PHACTR1: variants seen among roughly 807,000 people sequenced by gnomAD.
PHACTR1 encodes the protein RPEL repeat containing 1.
In PHACTR1, 16 loss-of-function variants were observed where a neutral mutation model predicts 69.2. The observed-to-expected ratio is 0.23, with a 90% CI of 0.16 to 0.35. PHACTR1 has a LOEUF of 0.35. Ranked by LOEUF, PHACTR1 falls within the 10% of genes least tolerant of loss-of-function variation. The probability of loss-of-function intolerance (pLI) is 1.00; values close to 1 mark genes in which losing one functional copy is unlikely to be tolerated. For synonymous variants in PHACTR1, 312 were observed against 284.5 expected (o/e 1.10, Z -0.97); for missense variants, 510 against 734.7 (o/e 0.69, Z 3.54).
chr6:12,789,108 A>C (rs532390835), intron 4 of PHACTR1, among the ~76,000 whole-genome samples: 31 of 152,242 alleles, frequency 2.0e-4, no homozygotes, highest in Admixed American at 7.9e-4. Flanking sequence ...TTTCCTCTTG[A>C]ATCACCCAGG....
At chr6:13,055,578 C>G (rs1215857184) in intron 5 of PHACTR1, among the ~76,000 whole-genome samples, 4 of 152,124 alleles carry the variant, frequency 2.6e-5, no homozygotes, top group African/African-American at 9.7e-5. Flanking sequence ...CTTTGCTAAG[C>G]AAAATAGTTT....
rs145382070 is a variant in PHACTR1 at position 13,196,543 on chromosome 6, C to A, written c.665-9272C>A. 779 of 164,350 alleles carry A rather than the reference C, an allele frequency of 4.7e-3. 9 individuals are homozygous for A. The highest frequency in any genetic ancestry group is 0.018 in the African/African-American group (751 of 41,624). The allele number at this position is 164,350 out of a possible 1,614,324, so 10.2% of individuals were successfully genotyped here. A position where few individuals can be genotyped will look rare whatever the true frequency, so the allele number is the denominator to read the frequency against. On this transcript the variant is annotated intron_variant, in intron 7 of 14. Coordinates refer to ENST00000332995, the MANE Select transcript of PHACTR1 (RefSeq NM_030948.6). ...TCAAGCGATTCTCCTGCCTCAGCCT[C>A]CCAAGTAGCTGGGACTACAGGCGCA...
chr6:13,039,405 G>T (rs573027126), intron 4 of PHACTR1, among the ~76,000 whole-genome samples: 1 of 152,294 alleles, frequency 6.6e-6, no homozygotes, highest in South Asian at 2.1e-4. Context: ...TGATAAGAGA[G>T]AATTTTTTTC....
At chr6:12,878,115 A>G (rs1041540468) in intron 4 of PHACTR1, among the ~76,000 whole-genome samples, 39 of 152,360 alleles carry the variant, frequency 2.6e-4, no homozygotes, top group African/African-American at 9.1e-4. Context: ...CGCACTTAGC[A>G]AAGTACCTGA....
chr6:12,790,010 C>T lies in PHACTR1; in HGVS notation c.250+40220C>T, dbSNP rs375706248. 1.0e-4 allele frequency among the ~76,000 whole-genome samples: 15 copies of T among 148,594 alleles called. No homozygotes were observed. The East Asian group carries it at 2.0e-3, about 20-fold the overall frequency. ...ATTTCCAGTTTCTGACCACATCTTA[C>T]GACCTCCATTGCCACTAACCTGGTT... is the stretch of plus-strand genomic sequence containing the variant. On this transcript the variant is annotated intron_variant, in intron 4 of 14. Coordinates refer to ENST00000332995, the MANE Select transcript of PHACTR1 (RefSeq NM_030948.6).
intron 4 of PHACTR1, among the ~76,000 whole-genome samples, chr6:12,993,482 A>C (rs115360002): frequency 0.023 from 3,459 of 152,298 alleles, 135 homozygotes; most frequent in African/African-American, 0.078. Flanking sequence ...TACATACCTA[A>C]GACACGGAGG....
At chr6:12,825,442 TG>T (rs1776692289) in intron 4 of PHACTR1, among the ~76,000 whole-genome samples, 1 of 152,238 alleles carries the variant, frequency 6.6e-6, no homozygotes, top group Non-Finnish European at 1.5e-5. Flanking sequence ...TTGTTTAGTG[TG>T]GTTTCTCCAT....
At chr6:12,965,986 A>G (rs1793436015) in intron 4 of PHACTR1, among the ~76,000 whole-genome samples, 1 of 152,218 alleles carries the variant, frequency 6.6e-6, no homozygotes. Flanking sequence ...GGGCCCGGAC[A>G]TGGCGGTGGC....
chr6:12,965,213 C>T (rs1793292611), intron 4 of PHACTR1, among the ~76,000 whole-genome samples: 1 of 152,144 alleles, frequency 6.6e-6, no homozygotes, highest in South Asian at 2.1e-4. Flanking sequence ...ATGGATTGAA[C>T]AGAGGGCTGG....
chr6:13,048,951 A>G (rs1805517794), intron 4 of PHACTR1, among the ~76,000 whole-genome samples: 1 of 152,248 alleles, frequency 6.6e-6, no homozygotes, highest in Non-Finnish European at 1.5e-5. Context: ...TTAATTGGAG[A>G]AAAATGTAAT....
intron 4 of PHACTR1, among the ~76,000 whole-genome samples, chr6:12,972,030 G>A (rs190509695): frequency 6.9e-4 from 105 of 151,832 alleles, no homozygotes; most frequent in African/African-American, 2.4e-3. Flanking sequence ...GACTCGTTAC[G>A]CAAATTATTT....
chr6:12,915,798 CT>C (rs1307416769), intron 4 of PHACTR1, among the ~76,000 whole-genome samples: 1 of 152,188 alleles, frequency 6.6e-6, no homozygotes, highest in Non-Finnish European at 1.5e-5. Flanking sequence ...TTCGTCACCC[CT>C]ACCACCTCTG....
intron 4 of PHACTR1, among the ~76,000 whole-genome samples, chr6:12,858,369 A>G (rs535297569): frequency 1.3e-4 from 20 of 152,368 alleles, no homozygotes; most frequent in African/African-American, 4.8e-4. Flanking sequence ...AGAGGTAAAT[A>G]TATAACTGTC....
chr6:13,019,071 TATA>T (rs1561698309), intron 4 of PHACTR1, among the ~76,000 whole-genome samples: 17 of 102,650 alleles, frequency 1.7e-4, no homozygotes, highest in South Asian at 6.4e-4. Flanking sequence ...TATATATATA[TATA>T]TTTTTTCTTT....
At chr6:13,258,140 C>T (rs1272140628) in intron 10 of PHACTR1, among the ~76,000 whole-genome samples, 1 of 152,102 alleles carries the variant, frequency 6.6e-6, no homozygotes, top group Non-Finnish European at 1.5e-5. Context: ...GATGGATCAC[C>T]TGAGGTCAGG....
chr6:12,877,111 C>T (rs973176853), intron 4 of PHACTR1, among the ~76,000 whole-genome samples: 3 of 152,196 alleles, frequency 2.0e-5, no homozygotes, highest in Admixed American at 6.5e-5. Flanking sequence ...CCCAATGCAC[C>T]CTCACAGACA....
At chr6:13,005,776 A>G (rs989549698) in intron 4 of PHACTR1, among the ~76,000 whole-genome samples, 1 of 152,126 alleles carries the variant, frequency 6.6e-6, no homozygotes, top group Non-Finnish European at 1.5e-5. Context: ...GAAGAAATCA[A>G]TTGTATGTCC....
intron 10 of PHACTR1, among the ~76,000 whole-genome samples, chr6:13,270,803 G>A (rs539225219): frequency 4.6e-5 from 7 of 152,096 alleles, no homozygotes; most frequent in African/African-American, 7.2e-5. Context: ...CTGAGACTGT[G>A]TAATTTATAA....
At chr6:12,830,101 GAAAGAAAGAAA>G in intron 4 of PHACTR1, among the ~76,000 whole-genome samples, 1 of 19,502 alleles carries the variant, frequency 5.1e-5, no homozygotes, top group Admixed American at 7.3e-4. Context: ...GGGAAAGAAA[GAAAGAAAGAAA>G]GAAAGAAAGA....
Sources: gnomAD v4.1 joint callset for allele counts (sites outside exome capture counted in the v4.1 genomes callset) on GRCh38, gnomAD v4.1.1 for gene constraint, MANE v1.5 for transcripts, NCBI Gene and HGNC (gene_info 2026-07-23, HGNC 2026-07-21) for gene names.